The following ROBO2 variants were observed in gnomAD, a reference collection of about 807,000 sequenced individuals.
ROBO2 encodes roundabout guidance receptor 2, also known as roundabout homolog 2.
A neutral mutation model predicts 160.8 loss-of-function variants in ROBO2; 53 were observed. That is an observed-to-expected ratio of 0.33 (90% CI 0.26 to 0.41). The LOEUF (loss-of-function observed/expected upper bound fraction) is 0.41, where lower values mean the gene tolerates loss of function less well. Among genes scored for constraint, ROBO2 ranks in the 10% least tolerant of loss-of-function variants. The probability of loss-of-function intolerance (pLI) is 1.00; values close to 1 mark genes in which losing one functional copy is unlikely to be tolerated. For missense variants in ROBO2, 1,577 were observed against 1,722.4 expected (o/e 0.92, Z 1.49); for synonymous variants, 664 against 611.7 (o/e 1.09, Z -1.26).
chr3:77,296,823 G>A (rs977655233), intron 2 of ROBO2, among the ~76,000 whole-genome samples: 1 of 152,122 alleles, frequency 6.6e-6, no homozygotes, highest in African/African-American at 2.4e-5. Flanking sequence ...AGCTGGCCAA[G>A]AAGAAGCTTC....
intron 2 of ROBO2, among the ~76,000 whole-genome samples, chr3:76,408,353 G>A (rs533756437): frequency 6.6e-6 from 1 of 152,120 alleles, no homozygotes; most frequent in East Asian, 1.9e-4. Context: ...GTCTGTCCTT[G>A]CCAATTGCCT....
chr3:76,339,181 A>G (rs550888255), intron 2 of ROBO2, among the ~76,000 whole-genome samples: 1 of 152,200 alleles, frequency 6.6e-6, no homozygotes, highest in East Asian at 1.9e-4. Flanking sequence ...GATTTTTATG[A>G]TCTGAATGGC....
chr3:76,034,518 T>C (rs1051364588), intron 2 of ROBO2, among the ~76,000 whole-genome samples: 3 of 152,238 alleles, frequency 2.0e-5, no homozygotes, highest in African/African-American at 7.2e-5. Context: ...TGAAAGTATG[T>C]TGTTTCATTA....
chr3:77,098,268 G>GGAA, exon 2 of ROBO2: 1 of 1,614,222 alleles, frequency 6.2e-7, no homozygotes, highest in Non-Finnish European at 8.5e-7. Flanking sequence ...ACCTGATGAA[G>GGAA]GAAGCTACGT....
intron 2 of ROBO2, among the ~76,000 whole-genome samples, chr3:76,235,309 G>A (rs1704875296): frequency 6.6e-6 from 1 of 152,142 alleles, no homozygotes; most frequent in Non-Finnish European, 1.5e-5. Context: ...CAGGGAAGAA[G>A]GCCATGTGAA....
chr3:76,350,835 T>C (rs2074827953), intron 2 of ROBO2, among the ~76,000 whole-genome samples: 1 of 151,916 alleles, frequency 6.6e-6, no homozygotes, highest in South Asian at 2.1e-4. Flanking sequence ...TTTATAGACA[T>C]TTTTTCATGA....
intron 2 of ROBO2, among the ~76,000 whole-genome samples, chr3:77,103,853 A>G (rs1472442371): frequency 6.6e-6 from 1 of 152,206 alleles, no homozygotes; most frequent in Non-Finnish European, 1.5e-5. Flanking sequence ...GAGAGGGCAC[A>G]GGTGGCACTG....
At chr3:76,869,342 G>GTTTTTTTTTT (rs34051755) in intron 2 of ROBO2, among the ~76,000 whole-genome samples, 13 of 71,356 alleles carry the variant, frequency 1.8e-4, no homozygotes, top group Non-Finnish European at 2.3e-4. Flanking sequence ...AGAAATTGAT[G>GTTTTTTTTTT]TTTTTTTTTT....
At chr3:76,376,520 C>T (rs764366901) in intron 2 of ROBO2, among the ~76,000 whole-genome samples, 1 of 152,028 alleles carries the variant, frequency 6.6e-6, no homozygotes, top group Non-Finnish European at 1.5e-5. Flanking sequence ...CTTTTAAAGA[C>T]GTGTGAAAAT....
At chr3:77,157,480 G>A (rs2078121006) in intron 2 of ROBO2, among the ~76,000 whole-genome samples, 2 of 152,020 alleles carry the variant, frequency 1.3e-5, no homozygotes, top group African/African-American at 4.8e-5. Context: ...AAAAGTTTAT[G>A]CTCGGGGAAT....
intron 2 of ROBO2, among the ~76,000 whole-genome samples, chr3:76,408,919 T>G (rs2075351324): frequency 6.6e-6 from 1 of 152,038 alleles, no homozygotes; most frequent in Non-Finnish European, 1.5e-5. Context: ...TCATGCACTT[T>G]GTCAGTTTAG....
At chr3:76,574,550 A>G (rs999221214) in intron 2 of ROBO2, among the ~76,000 whole-genome samples, 4 of 152,178 alleles carry the variant, frequency 2.6e-5, no homozygotes, top group African/African-American at 7.2e-5. Flanking sequence ...CAAATGTATC[A>G]TCACTGACAG....
intron 2 of ROBO2, among the ~76,000 whole-genome samples, chr3:76,858,990 A>G (rs1415843775): frequency 6.6e-6 from 1 of 152,190 alleles, no homozygotes; most frequent in African/African-American, 2.4e-5. Context: ...TTCTTTTTTA[A>G]TCATGTTCAG....
intron 1 of ROBO2, among the ~76,000 whole-genome samples, chr3:75,922,774 T>G (rs1341450222): frequency 6.6e-6 from 1 of 152,186 alleles, no homozygotes; most frequent in South Asian, 2.1e-4. Context: ...TATGAATCTA[T>G]TTTGAAAATG....
At position 76,538,225 on chromosome 3, in the gene ROBO2, A is replaced by G. The variant is rs141180933; in HGVS notation, c.110-559789A>G. Among the ~76,000 whole-genome samples the G allele has an allele frequency of 4.9e-4, 74 of 152,206 alleles. 1 individual carries two copies. Among genetic ancestry groups the G allele is most frequent in the Admixed American group, 7.9e-4 (12 of 15,286 alleles). On this transcript the variant is annotated intron_variant, in intron 2 of 26. Coordinates refer to the ROBO2 transcript ENST00000487694. ...GTGGGCAAGTGTATGTATGCAGAAA[A>G]TGGAAAAATAAAGATTCTGGTTTAA...
intron 19 of ROBO2, among the ~76,000 whole-genome samples, chr3:77,600,276 C>T (rs147488030): frequency 2.6e-3 from 402 of 152,242 alleles, no homozygotes; most frequent in Non-Finnish European, 4.3e-3. Flanking sequence ...TCCAATATTT[C>T]GATGCTAGAA....
At chr3:76,105,201 A>G (rs566611960) in intron 2 of ROBO2, among the ~76,000 whole-genome samples, 37 of 152,114 alleles carry the variant, frequency 2.4e-4, no homozygotes, top group Non-Finnish European at 4.0e-4. Flanking sequence ...AAAAAACACT[A>G]TTCTGTTCTT....
At chr3:76,804,466 C>A (rs2064509549) in intron 2 of ROBO2, among the ~76,000 whole-genome samples, 1 of 152,158 alleles carries the variant, frequency 6.6e-6, no homozygotes, top group African/African-American at 2.4e-5. Flanking sequence ...ATCAGAGGAT[C>A]TTTATACTAA....
intron 1 of ROBO2, among the ~76,000 whole-genome samples, chr3:75,922,908 C>T (rs1947128839): frequency 6.6e-6 from 1 of 152,158 alleles, no homozygotes; most frequent in Non-Finnish European, 1.5e-5. Flanking sequence ...AATGCATGTT[C>T]ATACCTGGAT....
Sources: allele counts gnomAD v4.1 joint callset (sites outside exome capture counted in the v4.1 genomes callset), GRCh38; gene constraint gnomAD v4.1.1; transcripts MANE v1.5; gene names NCBI Gene and HGNC (gene_info 2026-07-23, HGNC 2026-07-21).